SPOP: variants seen among roughly 807,000 people sequenced by gnomAD.
SPOP encodes the protein speckle type BTB/POZ protein.
A neutral mutation model predicts 45.6 loss-of-function variants in SPOP; 11 were observed. The ratio of observed to expected loss-of-function variants is 0.24; its 90% confidence interval spans 0.15 to 0.40. The LOEUF (loss-of-function observed/expected upper bound fraction) is 0.40. Ranked by LOEUF, SPOP falls within the 10% of genes least tolerant of loss-of-function variation. The pLI is 1.00. For missense variants in SPOP, 152 were observed against 465.6 expected, an observed-to-expected ratio of 0.33 and a Z score of 6.20; for synonymous variants, 166 against 166.3, an observed-to-expected ratio of 1.00 and a Z score of 0.01.
intron 1 of SPOP, among the ~76,000 whole-genome samples, chr17:49,632,224 A>C (rs2072463729): frequency 6.6e-6 from 1 of 152,244 alleles, no homozygotes; most frequent in Admixed American, 6.5e-5. Flanking sequence ...AACATTTTAA[A>C]AAGAAAACTA....
chr17:49,647,343 A>C (rs1037379071), intron 1 of SPOP, among the ~76,000 whole-genome samples: 2 of 143,984 alleles, frequency 1.4e-5, no homozygotes. Flanking sequence ...AAAAAAAAAA[A>C]GTTCTTTTGT....
intron 1 of SPOP, among the ~76,000 whole-genome samples, chr17:49,675,078 C>T (rs1014046674): frequency 1.3e-5 from 2 of 152,334 alleles, no homozygotes; most frequent in Middle Eastern, 3.4e-3. Context: ...CATACAACCT[C>T]TGTGGAAAGC....
intron 1 of SPOP, among the ~76,000 whole-genome samples, chr17:49,675,238 T>C (rs2073184163): frequency 1.3e-5 from 2 of 151,824 alleles, no homozygotes; most frequent in South Asian, 2.1e-4. Flanking sequence ...GTCCAATAAG[T>C]GTTGGCTGAA....
At chr17:49,621,685 T>C (rs568185753) in intron 3 of SPOP, among the ~76,000 whole-genome samples, 3 of 152,352 alleles carry the variant, frequency 2.0e-5, no homozygotes, top group African/African-American at 7.2e-5. Context: ...ATATCATTTA[T>C]AACACTGGCT....
chr17:49,677,795 A>G (rs1226502563), intron 1 of SPOP, 138 bp downstream of exon 1: 1 of 357,516 alleles, frequency 2.8e-6, no homozygotes. Context: ...ATCCGGGTGT[A>G]GGAAATGGGA....
intron 1 of SPOP, among the ~76,000 whole-genome samples, chr17:49,663,353 G>A (rs908114370): frequency 3.9e-5 from 6 of 152,184 alleles, no homozygotes; most frequent in Non-Finnish European, 8.8e-5. Flanking sequence ...ACCAGGTAGT[G>A]GAAAAACTGT....
chr17:49,615,492 A>G (rs1202804857), intron 5 of SPOP, among the ~76,000 whole-genome samples: 1 of 151,752 alleles, frequency 6.6e-6, no homozygotes, highest in Non-Finnish European at 1.5e-5. Flanking sequence ...TCATGTCTCT[A>G]TTTATTTATT....
intron 1 of SPOP, among the ~76,000 whole-genome samples, chr17:49,653,298 G>A (rs1452324079): frequency 1.3e-5 from 2 of 151,960 alleles, no homozygotes; most frequent in African/African-American, 2.4e-5. Flanking sequence ...CAATTGAAAA[G>A]TAAGTTTCCT....
intron 1 of SPOP, among the ~76,000 whole-genome samples, chr17:49,629,488 T>C (rs1316851341): frequency 1.3e-5 from 2 of 152,214 alleles, no homozygotes; most frequent in Non-Finnish European, 1.5e-5. Flanking sequence ...TCATCCAGTA[T>C]CAAGTATATA....
At chr17:49,630,611 A>C (rs62079291) in intron 1 of SPOP, among the ~76,000 whole-genome samples, 1 of 82,146 alleles carries the variant, frequency 1.2e-5, no homozygotes, top group African/African-American at 5.1e-5. Context: ...TGTTTTCTTT[A>C]AATTTTTTTT....
intron 1 of SPOP, among the ~76,000 whole-genome samples, chr17:49,623,260 G>A (rs1471614372): frequency 1.3e-5 from 2 of 151,978 alleles, no homozygotes; most frequent in African/African-American, 4.8e-5. Context: ...CACCCTCCTC[G>A]GCCTCCCAAA....
At chr17:49,604,292 A>G (rs1278836233) in intron 8 of SPOP, among the ~76,000 whole-genome samples, 1 of 152,226 alleles carries the variant, frequency 6.6e-6, no homozygotes, top group Non-Finnish European at 1.5e-5. Flanking sequence ...CTGGAAGGGT[A>G]TGGAATTTTC....
chr17:49,655,237 C>T (rs183418655), intron 1 of SPOP, among the ~76,000 whole-genome samples: 80 of 152,218 alleles, frequency 5.3e-4, no homozygotes, highest in Admixed American at 4.4e-3. Context: ...TCTTGCCGGG[C>T]GCAGTGGCTT....
At chr17:49,609,036 G>A (rs2071911945) in intron 6 of SPOP, among the ~76,000 whole-genome samples, 1 of 152,010 alleles carries the variant, frequency 6.6e-6, no homozygotes, top group South Asian at 2.1e-4. Flanking sequence ...AGCCTCCCAA[G>A]TAGCTGGAAT....
intron 1 of SPOP, among the ~76,000 whole-genome samples, chr17:49,645,788 T>C (rs1052607198): frequency 6.6e-6 from 1 of 152,200 alleles, no homozygotes; most frequent in East Asian, 1.9e-4. Flanking sequence ...TTTTGCCTTC[T>C]TGAATTCACT....
chr17:49,616,763 G>A (rs996001769), intron 5 of SPOP, among the ~76,000 whole-genome samples: 1 of 152,202 alleles, frequency 6.6e-6, no homozygotes, highest in Non-Finnish European at 1.5e-5. Context: ...GTGGCCAACA[G>A]AGAAGTGTGA....
At chr17:49,639,451 T>C (rs1350945377) in intron 1 of SPOP, among the ~76,000 whole-genome samples, 1 of 152,114 alleles carries the variant, frequency 6.6e-6, no homozygotes, top group Non-Finnish European at 1.5e-5. Context: ...GCATTGTTCA[T>C]TAACAGCCAA....
chr17:49,607,520 A>T, intron 7 of SPOP, 148 bp from the exon 8 acceptor site: 1 of 1,038,502 alleles, frequency 9.6e-7, no homozygotes, highest in Non-Finnish European at 1.3e-6. Flanking sequence ...GCCCGGCTTG[A>T]TTATAATAGC....
intron 1 of SPOP, among the ~76,000 whole-genome samples, chr17:49,632,023 T>TATCCCCC (rs1482437457): frequency 6.6e-6 from 1 of 152,216 alleles, no homozygotes; most frequent in African/African-American, 2.4e-5. Context: ...ACGAGAATAG[T>TATCCCCC]ATCCCCCTGT....
Sources: allele counts gnomAD v4.1 joint callset (sites outside exome capture counted in the v4.1 genomes callset), GRCh38; gene constraint gnomAD v4.1.1; transcripts MANE v1.5; gene names NCBI Gene and HGNC (gene_info 2026-07-23, HGNC 2026-07-21).